Variants in NCS1 observed in about 807,000 individuals in gnomAD.
NCS1 encodes the protein frequenin homolog.
In NCS1, 6 loss-of-function variants were observed where a neutral mutation model predicts 28.4. The ratio of observed to expected loss-of-function variants is 0.21; its 90% CI spans 0.12 to 0.42. The LOEUF (loss-of-function observed/expected upper bound fraction) is 0.42. Ranked by LOEUF, NCS1 falls within the 10% of genes least tolerant of loss-of-function variation. The pLI is 1.00. For missense variants in NCS1, 131 were observed against 241.4 expected, an observed-to-expected ratio of 0.54 and a Z score of 3.03; for synonymous variants, 86 against 99.3, an observed-to-expected ratio of 0.87 and a Z score of 0.79.
At chr9:130,211,977 C>T (rs1473807870) in intron 2 of NCS1, among the ~76,000 whole-genome samples, 3 of 151,930 alleles carry the variant, frequency 2.0e-5, no homozygotes, top group Non-Finnish European at 4.4e-5. Flanking sequence ...GCTCTGGTGC[C>T]GAGAAGGAAG....
In NCS1 at chr9:130,192,032, A is replaced by G. The variant is rs1832822696; in HGVS notation, c.65-8926A>G. On this transcript the variant is annotated intron_variant, in intron 1 of 7. Coordinates refer to ENST00000372398, the MANE Select transcript of NCS1 (RefSeq NM_014286.4). This position sits in a 1 kb window ranked among gnomAD's most constrained non-coding sequence, Gnocchi z 4.8. The stretch of plus-strand genomic sequence containing the variant: ...GCTCCTGCAGCGGCTTTGCTCAGCC[A>G]GGAGTGCCCGGGAGCTCTGGGCAGC... Among the ~76,000 whole-genome samples the G allele has an allele frequency of 6.6e-6, 1 of 152,164 alleles. No individual in the cohort carries two copies. Among genetic ancestry groups the G allele is most frequent in the African/African-American group, 2.4e-5 (1 of 41,430 alleles).
chr9:130,221,731 C>T (rs1554910506), intron 4 of NCS1, among the ~76,000 whole-genome samples: 1 of 140,556 alleles, frequency 7.1e-6, no homozygotes. Context: ...TGTGCCTGGC[C>T]CTGTTATTTT....
In NCS1 at chr9:130,177,712, C is replaced by T. The variant is rs1832593489; in HGVS notation, c.64+4985C>T. ...TGGTGACCTTGGGGAAGTCCCTTGG[C>T]CTCTCTGAGCACCAGCTTGCTCATC... On this transcript the variant is annotated intron_variant, in intron 1 of 7. Transcript: ENST00000372398. The surrounding 1 kb of genome is among the most constrained non-coding windows in gnomAD (Gnocchi z 4.4). Among the ~76,000 whole-genome samples the T allele has an allele frequency of 6.6e-6, 1 of 152,214 alleles. No individual in the cohort carries two copies. The highest frequency in any genetic ancestry group is 2.1e-4 in the South Asian group (1 of 4,834).
chr9:130,211,929 C>T (rs182115155), intron 2 of NCS1, among the ~76,000 whole-genome samples: 7 of 152,206 alleles, frequency 4.6e-5, no homozygotes, highest in African/African-American at 7.2e-5. Context: ...GAGCATGACC[C>T]GGCCTGGGGT....
chr9:130,218,378 A>C (rs1358091799), intron 3 of NCS1, among the ~76,000 whole-genome samples: 3 of 152,246 alleles, frequency 2.0e-5, no homozygotes, highest in African/African-American at 7.2e-5. Flanking sequence ...TATGCACACA[A>C]TGCATGGACT....
rs958623997 is a variant in NCS1 at position 130,224,081 on chromosome 9, C to A, written c.474+922C>A. ...CAGGATGGTCTCGATCTCCTGACTT[C>A]GTGATCCACCAGCCTCGGCCTCCCA... On this transcript the variant is annotated intron_variant, in intron 6 of 7. Transcript: ENST00000372398. 5.9e-5 allele frequency among the ~76,000 whole-genome samples: 9 copies of A among 151,506 alleles called. No homozygotes were observed. The East Asian group carries it at 1.8e-3, about 30-fold the overall frequency.
chr9:130,204,983 G>A (rs1414199265), intron 2 of NCS1, among the ~76,000 whole-genome samples: 3 of 152,120 alleles, frequency 2.0e-5, no homozygotes, highest in African/African-American at 4.8e-5. Flanking sequence ...GGGAGACACC[G>A]AGAACTGGAC....
intron 1 of NCS1, among the ~76,000 whole-genome samples, chr9:130,189,739 A>T (rs1283735511): frequency 6.6e-6 from 1 of 150,826 alleles, no homozygotes; most frequent in Non-Finnish European, 1.5e-5. Flanking sequence ...CTACTCAGGA[A>T]GCTGAGGCAG....
chr9:130,193,817 G>A (rs1278869476), intron 1 of NCS1: 1 of 152,808 alleles, frequency 6.5e-6, no homozygotes, highest in Non-Finnish European at 1.5e-5. Context: ...CTGGAAGGAG[G>A]ACAGTCAGTG....
Position 130,176,966 on chromosome 9 carries a change from C to T in NCS1, c.64+4239C>T, listed in dbSNP as rs545928129. The stretch of plus-strand genomic sequence containing the variant: ...CCTCCTCCCTTCTCCTTCTCCTCCC[C>T]ATGATGTTTGCGGTCCTTCCCAGGG... On this transcript the variant is annotated intron_variant, in intron 1 of 7. Transcript: ENST00000372398. 2.6e-5 allele frequency among the ~76,000 whole-genome samples: 4 copies of T among 152,338 alleles called. No homozygotes were observed. The East Asian group carries it at 7.7e-4, about 29-fold the overall frequency.
At chr9:130,196,678 G>C (rs1554906887) in intron 1 of NCS1, among the ~76,000 whole-genome samples, 4 of 152,158 alleles carry the variant, frequency 2.6e-5, no homozygotes. Context: ...GGCGGAGGTT[G>C]CAGTGAGCCC....
intron 1 of NCS1, among the ~76,000 whole-genome samples, chr9:130,198,458 G>A (rs1832903151): frequency 6.6e-6 from 1 of 152,196 alleles, no homozygotes; most frequent in Non-Finnish European, 1.5e-5. Context: ...CCCTTGCCAA[G>A]GTCATACAAG....
Position 130,181,691 on chromosome 9 carries a change from G to A in NCS1, c.64+8964G>A, listed in dbSNP as rs113042009. On this transcript the variant is annotated intron_variant, in intron 1 of 7. Coordinates refer to ENST00000372398, the MANE Select transcript of NCS1 (RefSeq NM_014286.4). This position sits in a 1 kb window ranked among gnomAD's most constrained non-coding sequence, Gnocchi z 5.0. ...TGCTTGGTGGAGGTGCCAGGGAGCC[G>A]CCATGGAGGTGTGCAGGTGAGCGTG... 4.6e-3 allele frequency among the ~76,000 whole-genome samples: 705 copies of A among 152,260 alleles called. 6 individuals carry two copies. Among genetic ancestry groups the A allele is most frequent in the African/African-American group, 0.016 (671 of 41,544 alleles).
rs536240330 is a variant in NCS1, at chr9:130,229,981, G to A, written c.*18-3009G>A. The stretch of plus-strand genomic sequence containing the variant: ...ATAGCTGCATAATGCTCCATCACAT[G>A]GCTGGGCCATAATTTAACCAGTTCC... On this transcript the variant is annotated intron_variant, in intron 7 of 7. Transcript: ENST00000372398. Among the ~76,000 whole-genome samples the A allele has an allele frequency of 3.9e-5, 6 of 152,280 alleles. No individual in the cohort carries two copies. The South Asian group carries it at 1.2e-3, about 32-fold the overall frequency.
At position 130,233,501 on chromosome 9, in the gene NCS1, T is replaced by TAA. The variant is rs1245279063; in HGVS notation, c.*529_*530insAA. ...AGGGGTTCTGCCTGGTCAACGTTAT[T>TAA]TGTCGTCCCATCTTTTGGCAGCAAA... On this transcript the variant is annotated 3_prime_UTR_variant, in exon 8 of 8. Coordinates refer to ENST00000372398, the MANE Select transcript of NCS1 (RefSeq NM_014286.4). The surrounding 1 kb of genome is among the most constrained non-coding windows in gnomAD (Gnocchi z 4.8). 6.6e-6 allele frequency: 1 copy of TAA among 152,594 alleles called. No individual in the cohort carries two copies. Among genetic ancestry groups the TAA allele is most frequent in the Non-Finnish European group, 1.5e-5 (1 of 68,024 alleles). 9.5% of individuals were successfully genotyped at this position (152,594 alleles called of 1,614,324 possible).
intron 2 of NCS1, among the ~76,000 whole-genome samples, chr9:130,205,522 A>T (rs1334461619): frequency 7.4e-6 from 1 of 135,114 alleles, no homozygotes; most frequent in Non-Finnish European, 1.6e-5. Flanking sequence ...CAATACAGTG[A>T]GACCTCGTCT....
chr9:130,211,758 A>C (rs1190047093), intron 2 of NCS1, among the ~76,000 whole-genome samples: 1 of 152,076 alleles, frequency 6.6e-6, no homozygotes, highest in East Asian at 1.9e-4. Flanking sequence ...CAGGCACAGG[A>C]GTGGGCGGTG....
chr9:130,202,828 C>T (rs1355353442), intron 2 of NCS1, among the ~76,000 whole-genome samples: 1 of 152,058 alleles, frequency 6.6e-6, no homozygotes, highest in Non-Finnish European at 1.5e-5. Flanking sequence ...GATCCACCCA[C>T]CTCGGCCTCC....
chr9:130,190,855 C>T (rs1368857784), intron 1 of NCS1, among the ~76,000 whole-genome samples: 1 of 152,142 alleles, frequency 6.6e-6, no homozygotes, highest in African/African-American at 2.4e-5. Context: ...CTGGCAGGGA[C>T]CCCCGCCTGT....
Sources: gnomAD v4.1 joint callset for allele counts (sites outside exome capture counted in the v4.1 genomes callset) on GRCh38, gnomAD v4.1.1 for gene constraint, Gnocchi (gnomAD v3.1) non-coding constraint, MANE v1.5 for transcripts, NCBI Gene and HGNC (gene_info 2026-07-23, HGNC 2026-07-21) for gene names.